Variants in MYO5B observed in about 807,000 individuals in gnomAD.
MYO5B encodes the protein unconventional myosin-Vb.
In MYO5B, 143 loss-of-function variants were observed where a neutral mutation model predicts 229.3. The observed-to-expected ratio is 0.62, with a 90% CI of 0.54 to 0.72. MYO5B has a LOEUF of 0.72. Ranked by LOEUF, MYO5B falls within the 30% of genes least tolerant of loss-of-function variation. The pLI is 0.00. For synonymous variants in MYO5B, 918 were observed against 885.2 expected, an observed-to-expected ratio of 1.04 and a Z score of -0.66; for missense variants, 2,321 against 2,331.0, an observed-to-expected ratio of 1.00 and a Z score of 0.09.
chr18:49,929,722 C>G (rs1019622840), intron 16 of MYO5B, 124 bp from the exon 17 acceptor site: 1 of 842,786 alleles, frequency 1.2e-6, no homozygotes, highest in African/African-American at 1.7e-5. Flanking sequence ...TGAGTTACAG[C>G]CACTGAGTTA....
chr18:49,966,297 G>T (rs913659874), intron 10 of MYO5B, among the ~76,000 whole-genome samples: 2 of 152,184 alleles, frequency 1.3e-5, no homozygotes, highest in Admixed American at 1.3e-4. Flanking sequence ...GCCCACGTGT[G>T]AGAAATAATT....
At chr18:50,177,817 C>T (rs528705678) in intron 1 of MYO5B, among the ~76,000 whole-genome samples, 1 of 152,278 alleles carries the variant, frequency 6.6e-6, no homozygotes, top group South Asian at 2.1e-4. Flanking sequence ...GGCAGGCACA[C>T]CCAGCCACAG....
At chr18:49,895,699 C>T (rs900380574) in intron 21 of MYO5B, among the ~76,000 whole-genome samples, 9 of 152,192 alleles carry the variant, frequency 5.9e-5, no homozygotes, top group Non-Finnish European at 1.2e-4. Flanking sequence ...TCTCTCACCC[C>T]TGTCAGCCAT....
rs1014035512 is a variant in MYO5B, at chr18:49,929,540, G to C, written c.2062C>G (p.Arg688Gly). Residue 688 changes from arginine (R) to glycine (G), a missense_variant, in exon 17 of 40, where the codon CGA (arginine) becomes GGA (glycine). Arg to Gly is a moderately radical substitution (Grantham distance 125, BLOSUM62 -2). Around this residue, in one of 2 missense-constraint regions of MYO5B, gnomAD observed 2,113 missense variants for 2,044.7 expected, o/e 1.03. Coordinates refer to ENST00000285039, the MANE Select transcript of MYO5B (RefSeq NM_001080467.3). ...LRACGVLETI[R>G]ISAAGYPSRW... ...GATGGGTAGCCAGCTGCACTGATTC[G>C]AATCGTCTCCAACACCCCGCAGGCT... 1 of 1,608,054 alleles carries C rather than the reference G, an allele frequency of 6.2e-7. No individual in the cohort carries two copies. The highest frequency in any genetic ancestry group is 8.5e-7 in the Non-Finnish European group (1 of 1,179,160).
At chr18:49,990,412 A>G (rs751520183) in intron 7 of MYO5B, 27 bp downstream of exon 7, 10 of 1,584,222 alleles carry the variant, frequency 6.3e-6, no homozygotes, top group Non-Finnish European at 3.5e-6. Flanking sequence ...CCCACCCCAG[A>G]GGATAGGCAT....
chr18:50,074,946 G>C (rs112821267), intron 1 of MYO5B, among the ~76,000 whole-genome samples: 1 of 151,764 alleles, frequency 6.6e-6, no homozygotes, highest in African/African-American at 2.4e-5. Context: ...TCAGCCTCCC[G>C]AGTATCTGGG....
At chr18:49,991,065 C>G (rs1053289353) in intron 6 of MYO5B, among the ~76,000 whole-genome samples, 1 of 152,088 alleles carries the variant, frequency 6.6e-6, no homozygotes, top group South Asian at 2.1e-4. Flanking sequence ...GAGGCCTGAG[C>G]GAAGAGAGCT....
chr18:50,117,880 C>T (rs796490330), intron 1 of MYO5B, among the ~76,000 whole-genome samples: 14 of 152,226 alleles, frequency 9.2e-5, no homozygotes, highest in African/African-American at 2.9e-4. Context: ...CAGGGGCTCA[C>T]GATCTGGCTT....
chr18:50,067,279 A>C (rs2030843954), intron 1 of MYO5B, among the ~76,000 whole-genome samples: 1 of 152,168 alleles, frequency 6.6e-6, no homozygotes, highest in Admixed American at 6.5e-5. Context: ...GTAAATGGGA[A>C]GATCGGTTAT....
chr18:50,177,875 C>T (rs1184205430), intron 1 of MYO5B, among the ~76,000 whole-genome samples: 1 of 152,210 alleles, frequency 6.6e-6, no homozygotes, highest in Non-Finnish European at 1.5e-5. Context: ...TCACAGCTGC[C>T]ATGACAGCCA....
At chr18:49,840,289 A>G (rs2024040972) in intron 35 of MYO5B, 1 of 152,204 alleles carries the variant, frequency 6.6e-6, no homozygotes, top group African/African-American at 2.4e-5. Flanking sequence ...GGATATTATG[A>G]TTTTGTAACA....
At chr18:50,140,391 C>T (rs1465123164) in intron 1 of MYO5B, among the ~76,000 whole-genome samples, 1 of 152,200 alleles carries the variant, frequency 6.6e-6, no homozygotes. Context: ...CCTCAGTGCA[C>T]AGAAATTAAT....
chr18:50,042,056 C>A (rs951372781), intron 2 of MYO5B, among the ~76,000 whole-genome samples: 1 of 152,190 alleles, frequency 6.6e-6, no homozygotes, highest in African/African-American at 2.4e-5. Flanking sequence ...TATTATCAGA[C>A]TGACAAGACC....
chr18:50,187,029 G>A (rs1022936873), intron 1 of MYO5B, among the ~76,000 whole-genome samples: 6 of 152,132 alleles, frequency 3.9e-5, no homozygotes, highest in Admixed American at 2.0e-4. Context: ...AAGCTCTTTC[G>A]TAAATCTCCA....
At chr18:50,087,628 C>T (rs1377796354) in intron 1 of MYO5B, among the ~76,000 whole-genome samples, 1 of 151,296 alleles carries the variant, frequency 6.6e-6, no homozygotes, top group Non-Finnish European at 1.5e-5. Flanking sequence ...AAGAATCACA[C>T]TATGTTTAAC....
chr18:50,118,555 T>G (rs1402838956), intron 1 of MYO5B, among the ~76,000 whole-genome samples: 1 of 152,170 alleles, frequency 6.6e-6, no homozygotes, highest in Non-Finnish European at 1.5e-5. Context: ...TTATTATACT[T>G]TAAGTTTTAG....
Position 49,823,814 on chromosome 18 carries a change from C to T in MYO5B, c.*2657G>A, listed in dbSNP as rs2023804306. On this transcript the variant is annotated 3_prime_UTR_variant, in exon 40 of 40. Transcript: ENST00000285039. Reference sequence around the variant, plus strand: ...CAACTCATGTGTACATTCACATTTACTATAAGTAAACAGGTCCCGTATAAT... The same window carrying T: ...CAACTCATGTGTACATTCACATTTATTATAAGTAAACAGGTCCCGTATAAT... 6.6e-6 allele frequency: 1 copy of T among 152,564 alleles called. No homozygotes were observed. The highest frequency in any genetic ancestry group is 1.5e-5 in the Non-Finnish European group (1 of 68,036). The allele number at this position is 152,564 out of a possible 1,614,324, so 9.5% of individuals were successfully genotyped here.
chr18:50,183,518 T>TA (rs1261477282), intron 1 of MYO5B, among the ~76,000 whole-genome samples: 1 of 151,534 alleles, frequency 6.6e-6, no homozygotes, highest in African/African-American at 2.4e-5. Context: ...AAATGCCTAT[T>TA]AAAGTGTCAA....
At chr18:49,873,292 C>G (rs886525456) in intron 26 of MYO5B, among the ~76,000 whole-genome samples, 2 of 152,106 alleles carry the variant, frequency 1.3e-5, no homozygotes, top group Non-Finnish European at 2.9e-5. Context: ...GGTGTTAGTC[C>G]CTGATTAAGA....
Sources: gnomAD v4.1 joint callset for allele counts (sites outside exome capture counted in the v4.1 genomes callset) on GRCh38, gnomAD v4.1.1 for gene constraint, gnomAD v4.1.1 regional missense constraint, MANE v1.5 for transcripts, NCBI Gene and HGNC (gene_info 2026-07-23, HGNC 2026-07-21) for gene names.